Variants in BCAS3 observed in about 807,000 individuals in gnomAD.
BCAS3 encodes BCAS3 microtubule associated cell migration factor.
BCAS3 carries 53 observed loss-of-function variants against 116.1 expected under a neutral mutation model. The ratio of observed to expected loss-of-function variants is 0.46; its 90% confidence interval spans 0.37 to 0.57. The LOEUF (loss-of-function observed/expected upper bound fraction) is 0.57. Ranked by LOEUF, BCAS3 falls within the 20% of genes least tolerant of loss-of-function variation. The pLI is 0.00. For missense variants in BCAS3, 917 were observed against 1,165.4 expected (o/e 0.79, Z 3.10); for synonymous variants, 391 against 408.2 (o/e 0.96, Z 0.51).
rs140717871 is a variant in BCAS3 at position 61,008,687 on chromosome 17, C to T, written c.1487-7064C>T. On this transcript the variant is annotated intron_variant, in intron 15 of 23. Transcript: ENST00000407086. This position sits in a 1 kb window ranked among gnomAD's most constrained non-coding sequence, Gnocchi z 4.6. ...CTCTTCTGTAGAAGACAAAAGTTTA[C>T]CAAAAAATAAAAAATAAAAAAATAA... Among the ~76,000 whole-genome samples the T allele has an allele frequency of 4.2e-4, 62 of 149,234 alleles. No individual in the cohort carries two copies. Among genetic ancestry groups the T allele is most frequent in the African/African-American group, 1.5e-3 (59 of 40,634 alleles).
intron 15 of BCAS3, among the ~76,000 whole-genome samples, chr17:61,001,381 A>C (rs1373383344): frequency 6.6e-6 from 1 of 152,198 alleles, no homozygotes; most frequent in East Asian, 1.9e-4. Flanking sequence ...TACGTTGATC[A>C]GTAGTTTTCT....
intron 12 of BCAS3, among the ~76,000 whole-genome samples, chr17:60,919,010 T>C (rs1244785559): frequency 6.6e-6 from 1 of 152,124 alleles, no homozygotes; most frequent in Non-Finnish European, 1.5e-5. Context: ...TATTTTTATG[T>C]CATTCATTGA....
rs564707026 is a variant in BCAS3 at position 60,910,470 on chromosome 17, G to T, written c.823-62G>T. On this transcript the variant is annotated intron_variant, in intron 11 of 23. Coordinates refer to ENST00000407086, the MANE Select transcript of BCAS3 (RefSeq NM_017679.5). ...ATGATTAGGAAAATTAATAAAATGCGTATTTCTATGTAGAATCCAAATACT... is the reference window on the plus strand; with the variant it reads ...ATGATTAGGAAAATTAATAAAATGCTTATTTCTATGTAGAATCCAAATACT... The T allele has an allele frequency of 5.1e-5, 66 of 1,293,358 alleles. No individual in the cohort carries two copies. In the African/African-American group the frequency reaches 9.1e-4, roughly 18 times the overall value. 80.1% of individuals were successfully genotyped at this position (1,293,358 alleles called of 1,614,324 possible). A position where few individuals can be genotyped will look rare whatever the true frequency, so the allele number is the denominator to read the frequency against.
chr17:61,288,871 CA>C (rs1245492383), intron 22 of BCAS3, among the ~76,000 whole-genome samples: 2 of 152,144 alleles, frequency 1.3e-5, no homozygotes, highest in Non-Finnish European at 2.9e-5. Context: ...CCTTGGTATT[CA>C]AAAAAGCCTT....
At position 61,041,285 on chromosome 17, in the gene BCAS3, A is replaced by G. The variant is rs2067487772; in HGVS notation, c.2029+393A>G. On this transcript the variant is annotated intron_variant, in intron 19 of 23. Coordinates refer to ENST00000407086, the MANE Select transcript of BCAS3 (RefSeq NM_017679.5). The surrounding 1 kb of genome is among the most constrained non-coding windows in gnomAD (Gnocchi z 4.7). Reference sequence around the variant, plus strand: ...ACTTAGCACAGTTAAAAGTGCAACTATGAAAACAATGCCAGCAGGCTTTTC... The same window carrying G: ...ACTTAGCACAGTTAAAAGTGCAACTGTGAAAACAATGCCAGCAGGCTTTTC... Among the ~76,000 whole-genome samples the G allele has an allele frequency of 6.6e-6, 1 of 151,892 alleles. No individual in the cohort carries two copies. Among genetic ancestry groups the G allele is most frequent in the African/African-American group, 2.4e-5 (1 of 41,458 alleles).
chr17:60,731,201 G>GT (rs948941865), intron 5 of BCAS3, among the ~76,000 whole-genome samples: 2 of 151,960 alleles, frequency 1.3e-5, no homozygotes, highest in African/African-American at 4.8e-5. Context: ...CTATACACGT[G>GT]TTTTTTTGCT....
At position 61,077,642 on chromosome 17, in the gene BCAS3, G is replaced by A. The variant is rs572062142; in HGVS notation, c.2131-691G>A. On this transcript the variant is annotated intron_variant, in intron 20 of 23. Transcript: ENST00000407086. The surrounding 1 kb of genome is among the most constrained non-coding windows in gnomAD (Gnocchi z 4.3). ...TTGTAGCACATCAAATGCCTGTGTC[G>A]ATATTTGTGGCAGTTGAGAAAACAC... Among the ~76,000 whole-genome samples the A allele has an allele frequency of 2.6e-5, 4 of 152,222 alleles. No individual in the cohort carries two copies. The highest frequency in any genetic ancestry group is 3.9e-4 in the East Asian group (2 of 5,186).
Position 61,391,802 on chromosome 17 carries a change from C to A in BCAS3, c.2594-175C>A. ...GGGGGCTTTCCCTCCCCTGGCTGAG[C>A]CTTCCTGTGACCTGAGCTGCCCCCT... On this transcript the variant is annotated intron_variant, in intron 23 of 23. Transcript: ENST00000407086. This position sits in a 1 kb window ranked among gnomAD's most constrained non-coding sequence, Gnocchi z 7.7. The A allele has an allele frequency of 1.5e-6, 1 of 673,860 alleles. No homozygotes were observed. The highest frequency in any genetic ancestry group is 2.5e-6 in the Non-Finnish European group (1 of 393,170). The allele number at this position is 673,860 out of a possible 1,614,324, so 41.7% of individuals were successfully genotyped here. A position where few individuals can be genotyped will look rare whatever the true frequency, so the allele number is the denominator to read the frequency against.
Position 61,388,720 on chromosome 17 carries a change from C to T in BCAS3, c.2594-3257C>T, listed in dbSNP as rs1377691098. Reference sequence around the variant, plus strand: ...CGGGATGGAGGAAGGTAAGGCCACACGTTTCCATTTGCCGCTTGCTCGTAG... The same window carrying T: ...CGGGATGGAGGAAGGTAAGGCCACATGTTTCCATTTGCCGCTTGCTCGTAG... On this transcript the variant is annotated intron_variant, in intron 23 of 23. Transcript: ENST00000407086. This position sits in a 1 kb window ranked among gnomAD's most constrained non-coding sequence, Gnocchi z 6.5. 28 of 1,543,360 alleles carry T rather than the reference C, an allele frequency of 1.8e-5. No individual in the cohort carries two copies. Among genetic ancestry groups the T allele is most frequent in the Non-Finnish European group, 2.3e-5 (26 of 1,152,028 alleles).
At chr17:60,991,501 G>A (rs1001689240) in intron 15 of BCAS3, among the ~76,000 whole-genome samples, 2 of 152,150 alleles carry the variant, frequency 1.3e-5, no homozygotes, top group Non-Finnish European at 2.9e-5. Context: ...GACAGAAAAC[G>A]TTGACATTAG....
In BCAS3 at chr17:61,368,121, TC is replaced by T; in HGVS notation, c.2426-205del. On this transcript the variant is annotated intron_variant, in intron 22 of 23. Coordinates refer to ENST00000407086, the MANE Select transcript of BCAS3 (RefSeq NM_017679.5). This position sits in a 1 kb window ranked among gnomAD's most constrained non-coding sequence, Gnocchi z 6.0. Reference sequence around the variant, plus strand: ...AGTTGTAAAACCACCAGCCTCAGTGTCACGGAAGTCACTCCAGAGGTCTGCA... The same window carrying T: ...AGTTGTAAAACCACCAGCCTCAGTGTACGGAAGTCACTCCAGAGGTCTGCA... 2.3e-6 allele frequency: 1 copy of T among 434,324 alleles called. No individual in the cohort carries two copies. The highest frequency in any genetic ancestry group is 4.0e-6 in the Non-Finnish European group (1 of 248,282). 26.9% of individuals were successfully genotyped at this position (434,324 alleles called of 1,614,324 possible).
intron 7 of BCAS3, among the ~76,000 whole-genome samples, chr17:60,857,030 A>G (rs1325678042): frequency 6.6e-6 from 1 of 152,210 alleles, no homozygotes; most frequent in African/African-American, 2.4e-5. Context: ...TCAAATGTAC[A>G]GTAGGTAACA....
intron 10 of BCAS3, 21 bp downstream of exon 10, chr17:60,889,792 G>A: frequency 6.3e-7 from 1 of 1,593,902 alleles, no homozygotes; most frequent in South Asian, 1.1e-5. Context: ...GCCTGTGTTT[G>A]GATTATTTGT....
At chr17:61,129,856 T>C (rs2076238678) in intron 22 of BCAS3, among the ~76,000 whole-genome samples, 1 of 152,246 alleles carries the variant, frequency 6.6e-6, no homozygotes, top group Non-Finnish European at 1.5e-5. Context: ...CATTTTTGTT[T>C]ATAAAGCTGT....
At chr17:61,018,322 G>A (rs1375348969) in intron 16 of BCAS3, among the ~76,000 whole-genome samples, 1 of 85,916 alleles carries the variant, frequency 1.2e-5, no homozygotes, top group Non-Finnish European at 2.2e-5. Flanking sequence ...TTTTTTTTGA[G>A]ACGTAGTCTT....
intron 18 of BCAS3, among the ~76,000 whole-genome samples, chr17:61,040,166 A>G (rs1285994164): frequency 2.0e-5 from 3 of 152,204 alleles, no homozygotes. Context: ...TCCTTTTGAC[A>G]TTTTAAAATA....
At position 61,282,576 on chromosome 17, in the gene BCAS3, G is replaced by A. The variant is rs867356595; in HGVS notation, c.2426-85751G>A. On this transcript the variant is annotated intron_variant, in intron 22 of 23. Coordinates refer to ENST00000407086, the MANE Select transcript of BCAS3 (RefSeq NM_017679.5). The surrounding 1 kb of genome is among the most constrained non-coding windows in gnomAD (Gnocchi z 5.9). Reference sequence around the variant, plus strand: ...GTGACTTCCTGTGTCAGCGAGGGAGGCTCCAAGGACAAGTTGAATGCCCAA... The same window carrying A: ...GTGACTTCCTGTGTCAGCGAGGGAGACTCCAAGGACAAGTTGAATGCCCAA... 5.9e-5 allele frequency among the ~76,000 whole-genome samples: 9 copies of A among 152,192 alleles called. No individual in the cohort carries two copies. The highest frequency in any genetic ancestry group is 2.2e-4 in the African/African-American group (9 of 41,446).
intron 13 of BCAS3, among the ~76,000 whole-genome samples, chr17:60,946,504 A>G (rs1486919841): frequency 6.6e-6 from 1 of 152,234 alleles, no homozygotes; most frequent in Non-Finnish European, 1.5e-5. Context: ...AATTAAGTAC[A>G]GGAAGTAGTA....
intron 15 of BCAS3, among the ~76,000 whole-genome samples, chr17:61,005,184 G>A (rs751361922): frequency 1.9e-4 from 29 of 152,082 alleles, no homozygotes; most frequent in Non-Finnish European, 3.2e-4. Context: ...TAGGTTTTAC[G>A]TACGTAGGTA....
Sources: gnomAD v4.1 joint callset for allele counts (sites outside exome capture counted in the v4.1 genomes callset) on GRCh38, gnomAD v4.1.1 for gene constraint, Gnocchi (gnomAD v3.1) non-coding constraint, MANE v1.5 for transcripts, NCBI Gene and HGNC (gene_info 2026-07-23, HGNC 2026-07-21) for gene names.